Variants in TET1 observed in about 807,000 individuals in gnomAD.
The protein encoded by TET1 is tet methylcytosine dioxygenase 1.
In TET1, 13 loss-of-function variants were observed where a neutral mutation model predicts 148.7. The ratio of observed to expected loss-of-function variants is 0.09; its 90% CI spans 0.06 to 0.14. The LOEUF (loss-of-function observed/expected upper bound fraction) is 0.14. Among genes scored for constraint, TET1 ranks in the 10% least tolerant of loss-of-function variants. TET1 has a pLI of 1.00. For synonymous variants in TET1, 907 were observed against 937.2 expected (o/e 0.97, Z 0.59); for missense variants, 2,182 against 2,553.8 (o/e 0.85, Z 3.14).
intron 1 of TET1, among the ~76,000 whole-genome samples, chr10:68,561,162 C>T (rs913955983): frequency 6.6e-6 from 1 of 151,970 alleles, no homozygotes; most frequent in Non-Finnish European, 1.5e-5. Context: ...CGGGGCGCCT[C>T]GGGGTGAGGA....
chr10:68,669,272 A>C (rs575052950), intron 7 of TET1, among the ~76,000 whole-genome samples: 59 of 152,140 alleles, frequency 3.9e-4, no homozygotes, highest in African/African-American at 1.4e-3. Flanking sequence ...ACAGTTCACA[A>C]ATACAGAAAG....
At chr10:68,611,674 C>CTTTCTTTTCT (rs376782312) in intron 3 of TET1, among the ~76,000 whole-genome samples, 13 of 148,736 alleles carry the variant, frequency 8.7e-5, no homozygotes, top group African/African-American at 3.0e-4. Flanking sequence ...CTTTTCTTTT[C>CTTTCTTTTCT]TTTCTTTTCT....
rs963493067 is a variant in TET1, at chr10:68,609,754, C to T, written c.1968+8720C>T. ...GTTTGGTTATTTTATATATATATAG[C>T]GTGTGAGAGCATTTTAAAATATTTC... On this transcript the variant is annotated intron_variant, in intron 3 of 11. Transcript: ENST00000373644. Among the ~76,000 whole-genome samples, 40 of 151,770 alleles carry T rather than the reference C, an allele frequency of 2.6e-4. 1 individual carries two copies. Among genetic ancestry groups the T allele is most frequent in the Middle Eastern group, 3.4e-3 (1 of 294 alleles).
rs1263378242 is a variant in TET1, at chr10:68,693,377, T to C, written c.*1563T>C. On this transcript the variant is annotated 3_prime_UTR_variant, in exon 12 of 12. Coordinates refer to ENST00000373644, the MANE Select transcript of TET1 (RefSeq NM_030625.3). ...TGGTGCTTCTCCCTTGGAAATGCCA[T>C]AGGAAGCCCACAACCGCTAACACTT... 2 of 233,212 alleles carry C rather than the reference T, an allele frequency of 8.6e-6. No individual in the cohort carries two copies. The highest frequency in any genetic ancestry group is 2.2e-5 in the African/African-American group (1 of 45,310). The allele number at this position is 233,212 out of a possible 1,614,324, so 14.4% of individuals were successfully genotyped here. A position where few individuals can be genotyped will look rare whatever the true frequency, so the allele number is the denominator to read the frequency against.
intron 6 of TET1, among the ~76,000 whole-genome samples, chr10:68,664,460 G>C (rs1036857266): frequency 1.3e-5 from 2 of 150,608 alleles, no homozygotes; most frequent in Non-Finnish European, 2.9e-5. Flanking sequence ...CCATGCTGGA[G>C]TGCAGTGGCG....
At chr10:68,632,860 A>C in intron 3 of TET1, 1 of 824,658 alleles carries the variant, frequency 1.2e-6, no homozygotes, top group Non-Finnish European at 1.9e-6. Context: ...AAAGAAAGAA[A>C]ACAAAATTGT....
intron 4 of TET1, among the ~76,000 whole-genome samples, chr10:68,649,224 G>A (rs116119265): frequency 0.017 from 2,542 of 152,284 alleles, 70 homozygotes; most frequent in African/African-American, 0.057. Context: ...TCCAGTAACT[G>A]AACTGGGACT....
Position 68,681,387 on chromosome 10 carries a change from GT to G in TET1, c.4825-8del. On this transcript the variant is annotated splice_polypyrimidine_tract_variant and intron_variant, in intron 8 of 11. Coordinates refer to ENST00000373644, the MANE Select transcript of TET1 (RefSeq NM_030625.3). ...GATTATAAAATACCTAATGGATTCT[GT>G]TTTCCTATAGGAAAAAAACCTTGAA... is the stretch of plus-strand genomic sequence containing the variant. The G allele has an allele frequency of 6.3e-7, 1 of 1,582,142 alleles. No individual in the cohort carries two copies. The highest frequency in any genetic ancestry group is 8.7e-7 in the Non-Finnish European group (1 of 1,152,618).
At chr10:68,568,033 C>T (rs745950168) in intron 1 of TET1, among the ~76,000 whole-genome samples, 1 of 151,884 alleles carries the variant, frequency 6.6e-6, no homozygotes, top group Admixed American at 6.6e-5. Context: ...CATGCACCAC[C>T]ATGCCTGACT....
Position 68,662,549 on chromosome 10 carries a change from T to C in TET1, c.4462-4496T>C, listed in dbSNP as rs550763755. 9.8e-5 allele frequency among the ~76,000 whole-genome samples: 15 copies of C among 152,288 alleles called. No homozygotes were observed. In the South Asian group the frequency reaches 2.9e-3, roughly 29 times the overall value. ...TTTAGGTTATCTTCTATTATACTTT[T>C]GTAAATATGTATAATAGACCACATA... On this transcript the variant is annotated intron_variant, in intron 6 of 11. Transcript: ENST00000373644.
At chr10:68,676,248 ATATATATATATATATATATATTTTT>A (rs1225248936) in intron 8 of TET1, among the ~76,000 whole-genome samples, 2 of 20,746 alleles carry the variant, frequency 9.6e-5, no homozygotes, top group Non-Finnish European at 1.5e-4. Flanking sequence ...ATATATATAT[ATATATATATATATATATATATTTTT>A]TTTTTTTTTT....
Position 68,693,437 on chromosome 10 carries a change from G to A in TET1, c.*1623G>A, listed in dbSNP as rs2055617953. 1 of 233,130 alleles carries A rather than the reference G, an allele frequency of 4.3e-6. No homozygotes were observed. Among genetic ancestry groups the A allele is most frequent in the Non-Finnish European group, 8.5e-6 (1 of 117,882 alleles). The allele number at this position is 233,130 out of a possible 1,614,324, so 14.4% of individuals were successfully genotyped here. A position where few individuals can be genotyped will look rare whatever the true frequency, so the allele number is the denominator to read the frequency against. On this transcript the variant is annotated 3_prime_UTR_variant, in exon 12 of 12. Coordinates refer to ENST00000373644, the MANE Select transcript of TET1 (RefSeq NM_030625.3). ...GTGCAAAAGCAAACAGTTCCAGCAG[G>A]CTCTCTAAAGAAAAACTCATTGTAA...
chr10:68,654,375 G>C (rs1017318352), intron 6 of TET1, among the ~76,000 whole-genome samples: 1 of 152,088 alleles, frequency 6.6e-6, no homozygotes, highest in Admixed American at 6.6e-5. Context: ...CAGCACTATG[G>C]GAGGCCGAGT....
intron 10 of TET1, among the ~76,000 whole-genome samples, chr10:68,684,901 T>C (rs1400391568): frequency 6.6e-6 from 1 of 152,166 alleles, no homozygotes; most frequent in Non-Finnish European, 1.5e-5. Flanking sequence ...TGATGTGACA[T>C]TCTGATTTTC....
In TET1 at chr10:68,690,022, G is replaced by GT. The variant is rs1410843285; in HGVS notation, c.5405-784dup. Among the ~76,000 whole-genome samples, 6 of 152,166 alleles carry GT rather than the reference G, an allele frequency of 3.9e-5. No individual in the cohort carries two copies. In the East Asian group the frequency reaches 1.2e-3, roughly 29 times the overall value. Reference sequence around the variant, plus strand: ...CTCTGCCTAACCTTGGACTTTGCCAGTTAAGATGTTTTGTTACCTAGAAAT... The same window carrying GT: ...CTCTGCCTAACCTTGGACTTTGCCAGTTTAAGATGTTTTGTTACCTAGAAAT... On this transcript the variant is annotated intron_variant, in intron 11 of 11. Transcript: ENST00000373644.
chr10:68,681,794 C>G (rs1015987443), intron 9 of TET1, among the ~76,000 whole-genome samples: 2 of 151,858 alleles, frequency 1.3e-5, no homozygotes, highest in Non-Finnish European at 2.9e-5. Flanking sequence ...TGGTGAAACC[C>G]CATCTCAACT....
rs1389826598 is a variant in TET1 at position 68,646,618 on chromosome 10, C to T, written c.3889C>T (p.His1297Tyr). 6.2e-7 allele frequency: 1 copy of T among 1,614,124 alleles called. No homozygotes were observed. The change falls in exon 4 of 12, where the codon CAT becomes TAT. Residue 1297 changes from histidine to tyrosine, a missense_variant. Physicochemically the swap from His to Tyr is moderately conservative, Grantham distance 83. Transcript: ENST00000373644. The part of the protein sequence containing the change: ...QLTVNANQKA[H>Y]PLTQPSSPPN... ...AACGGTGAATGCCAATCAGAAAGCC[C>T]ATCCTTTGACCCAGCCCTCCTCTCC...
At chr10:68,658,579 G>A (rs935233979) in intron 6 of TET1, among the ~76,000 whole-genome samples, 2 of 152,136 alleles carry the variant, frequency 1.3e-5, no homozygotes, top group African/African-American at 4.8e-5. Context: ...TCGCAACACC[G>A]TTTTATTCTT....
chr10:68,562,330 T>C (rs1157147009), intron 1 of TET1, among the ~76,000 whole-genome samples: 1 of 152,224 alleles, frequency 6.6e-6, no homozygotes, highest in Non-Finnish European at 1.5e-5. Flanking sequence ...TAGGAATTTA[T>C]GACTACAATT....
Sources: allele counts gnomAD v4.1 joint callset (sites outside exome capture counted in the v4.1 genomes callset), GRCh38; gene constraint gnomAD v4.1.1; transcripts MANE v1.5; gene names NCBI Gene and HGNC (gene_info 2026-07-23, HGNC 2026-07-21).